ADAMTSL1: variants seen among roughly 807,000 people sequenced by gnomAD.
ADAMTSL1 encodes ADAMTS-like protein 1.
In ADAMTSL1, 126 loss-of-function variants were observed where a neutral mutation model predicts 201.8. That is an observed-to-expected ratio of 0.62 (90% CI 0.54 to 0.72). ADAMTSL1 has a LOEUF of 0.72. Ranked by LOEUF, ADAMTSL1 falls within the 30% of genes least tolerant of loss-of-function variation. The pLI, the probability that ADAMTSL1 is intolerant of heterozygous loss-of-function variation, is 0.00. For synonymous variants in ADAMTSL1, 1,121 were observed against 903.4 expected (o/e 1.24, Z -4.32); for missense variants, 2,679 against 2,277.8 (o/e 1.18, Z -3.59).
At chr9:18,907,094 G>C in intron 28 of ADAMTSL1, 182 bp downstream of exon 28, 1 of 646,252 alleles carries the variant, frequency 1.5e-6, no homozygotes, top group African/African-American at 1.8e-5. Context: ...GTGTATATAA[G>C]CATGACAGGG....
At chr9:18,654,057 G>T (rs142729499) in intron 7 of ADAMTSL1, among the ~76,000 whole-genome samples, 2 of 152,192 alleles carry the variant, frequency 1.3e-5, no homozygotes, top group African/African-American at 4.8e-5. Flanking sequence ...GCAAAACCTC[G>T]TCTCTACTAA....
intron 2 of ADAMTSL1, among the ~76,000 whole-genome samples, chr9:18,255,570 C>T (rs116141410): frequency 0.014 from 2,094 of 152,162 alleles, 46 homozygotes; most frequent in African/African-American, 0.048. Flanking sequence ...AAGAAATAGG[C>T]CTTTTACATT....
chr9:18,762,972 G>C lies in ADAMTSL1; in HGVS notation c.2218-7630G>C, dbSNP rs903418871. Among the ~76,000 whole-genome samples the C allele has an allele frequency of 6.6e-5, 10 of 152,258 alleles. 1 individual carries two copies. Among genetic ancestry groups the C allele is most frequent in the Admixed American group, 5.9e-4 (9 of 15,298 alleles). ...TATATACACTGCAACAAACACAGTA[G>C]AGCAGATATCTCCCTGATACACTGA... On this transcript the variant is annotated intron_variant, in intron 16 of 28. Transcript: ENST00000380548.
chr9:18,708,428 A>T (rs970260777), intron 14 of ADAMTSL1, among the ~76,000 whole-genome samples: 1 of 152,214 alleles, frequency 6.6e-6, no homozygotes, highest in Non-Finnish European at 1.5e-5. Flanking sequence ...CTTCCAAATG[A>T]TTCCGGAAGA....
At chr9:18,067,719 T>G (rs1442473610) in intron 1 of ADAMTSL1, among the ~76,000 whole-genome samples, 3 of 152,158 alleles carry the variant, frequency 2.0e-5, no homozygotes, top group Non-Finnish European at 4.4e-5. Context: ...GCCTAGGAAC[T>G]TGGAGAGTCT....
At chr9:18,541,600 G>A (rs1017625166) in intron 3 of ADAMTSL1, among the ~76,000 whole-genome samples, 3 of 152,110 alleles carry the variant, frequency 2.0e-5, no homozygotes, top group Non-Finnish European at 2.9e-5. Flanking sequence ...CATGGATAAT[G>A]AGGACTTAAA....
chr9:18,777,689 G>C lies in ADAMTSL1; in HGVS notation c.3460G>C (p.Gly1154Arg). 1 of 1,613,102 alleles carries C rather than the reference G, an allele frequency of 6.2e-7. No individual in the cohort carries two copies. The highest frequency in any genetic ancestry group is 1.3e-5 in the African/African-American group (1 of 75,048). The change falls in exon 19 of 29, where the codon GGG becomes CGG. Residue 1154 changes from glycine (G) to arginine (R), a missense_variant. By Grantham distance (125) the Gly-to-Arg change is moderately radical (BLOSUM62 -2). Transcript: ENST00000380548. ...SLRTSSTGDA[G>R]GGSRRPHRKP... ...GCGGACCTCCTCCACCGGGGACGCC[G>C]GGGGAGGCTCTCGAAGGCCACACCG...
chr9:18,485,738 T>A (rs937495913), intron 1 of ADAMTSL1, among the ~76,000 whole-genome samples: 1 of 152,096 alleles, frequency 6.6e-6, no homozygotes, highest in East Asian at 1.9e-4. Flanking sequence ...AGTGAGTGAA[T>A]CCCTATAGCT....
intron 9 of ADAMTSL1, among the ~76,000 whole-genome samples, chr9:18,671,722 G>A (rs897989115): frequency 6.6e-6 from 1 of 152,114 alleles, no homozygotes; most frequent in Non-Finnish European, 1.5e-5. Context: ...TTGAAACCAT[G>A]AAAGGATCTC....
intron 1 of ADAMTSL1, among the ~76,000 whole-genome samples, chr9:18,128,791 A>T (rs1825838851): frequency 6.6e-6 from 1 of 152,218 alleles, no homozygotes; most frequent in Non-Finnish European, 1.5e-5. Flanking sequence ...TAAGTAAGAA[A>T]GTAGGTATTT....
chr9:17,981,890 C>A (rs932657427), intron 1 of ADAMTSL1, among the ~76,000 whole-genome samples: 2 of 152,060 alleles, frequency 1.3e-5, no homozygotes, highest in Non-Finnish European at 2.9e-5. Flanking sequence ...TATTTGGGCA[C>A]CTATTTAGAG....
rs142383510 is a variant in ADAMTSL1 at position 17,994,414 on chromosome 9, C to G, written c.87+87492C>G. On this transcript the variant is annotated intron_variant, in intron 1 of 29. Transcript: ENST00000680146. ...ATAGCAATAGTCATTTAAAGACACA[C>G]TGATGAAAGAATTATAAAATAGCTC... Among the ~76,000 whole-genome samples the G allele has an allele frequency of 5.6e-3, 858 of 152,174 alleles. 6 individuals are homozygous for G. Among genetic ancestry groups the G allele is most frequent in the African/African-American group, 0.019 (796 of 41,536 alleles).
intron 2 of ADAMTSL1, among the ~76,000 whole-genome samples, chr9:18,290,847 T>C (rs1218710711): frequency 6.7e-6 from 1 of 149,886 alleles, no homozygotes; most frequent in Non-Finnish European, 1.5e-5. Context: ...AGTGGCGCCA[T>C]CTTGGCTCAC....
chr9:18,178,502 GC>G (rs1475759904), intron 2 of ADAMTSL1, among the ~76,000 whole-genome samples: 7 of 152,120 alleles, frequency 4.6e-5, no homozygotes, highest in African/African-American at 1.7e-4. Context: ...CAGCCGGGAA[GC>G]TCGAACTGGG....
intron 2 of ADAMTSL1, chr9:18,362,106 G>T (rs951882278): frequency 2.0e-5 from 3 of 152,130 alleles, no homozygotes; most frequent in African/African-American, 2.4e-5. Flanking sequence ...TCACTGTAAG[G>T]TTCTTCATTC....
chr9:18,076,383 T>G (rs994115809), intron 1 of ADAMTSL1, among the ~76,000 whole-genome samples: 2 of 152,238 alleles, frequency 1.3e-5, no homozygotes, highest in African/African-American at 4.8e-5. Flanking sequence ...GATACAGTTC[T>G]TCCATTTAAG....
rs1826501514 is a variant in ADAMTSL1, at chr9:17,925,805, T to C, written c.87+18883T>C. On this transcript the variant is annotated intron_variant, in intron 1 of 29. Transcript: ENST00000680146. The stretch of plus-strand genomic sequence containing the variant: ...CACCAGCATGGCGCATGTATACGTA[T>C]GTAACTAACCTGCACAATGTGCACA... Among the ~76,000 whole-genome samples, 5 of 150,076 alleles carry C rather than the reference T, an allele frequency of 3.3e-5. No individual in the cohort carries two copies. The Admixed American group carries it at 3.3e-4, about 10-fold the overall frequency.
At chr9:17,983,249 T>C (rs1017052250) in intron 1 of ADAMTSL1, among the ~76,000 whole-genome samples, 10 of 151,774 alleles carry the variant, frequency 6.6e-5, no homozygotes, top group African/African-American at 2.4e-4. Context: ...TTTTGTATTT[T>C]TAGTAGGGAT....
intron 2 of ADAMTSL1, among the ~76,000 whole-genome samples, chr9:18,234,723 A>G (rs2132422781): frequency 6.6e-6 from 1 of 152,274 alleles, no homozygotes; most frequent in Admixed American, 6.5e-5. Flanking sequence ...TTAAAATGTA[A>G]CAAAATATTC....
Sources: allele counts gnomAD v4.1 joint callset (sites outside exome capture counted in the v4.1 genomes callset), GRCh38; gene constraint gnomAD v4.1.1; transcripts MANE v1.5; gene names NCBI Gene and HGNC (gene_info 2026-07-23, HGNC 2026-07-21).